ZNF626: variants seen among roughly 807,000 people sequenced by gnomAD.
The protein encoded by ZNF626 is zinc finger protein 626.
Under a neutral mutation model 11.7 loss-of-function variants are expected in ZNF626, and 4 were observed. The ratio of observed to expected loss-of-function variants is 0.34; its 90% confidence interval spans 0.17 to 0.78. ZNF626 has a LOEUF of 0.78. Among genes scored for constraint, ZNF626 ranks in the 30% least tolerant of loss-of-function variants. The probability of loss-of-function intolerance (pLI) is 0.57; values close to 1 mark genes in which losing one functional copy is unlikely to be tolerated. For missense variants in ZNF626, 588 were observed against 587.1 expected (o/e 1.00, Z -0.01); for synonymous variants, 179 against 198.6 (o/e 0.90, Z 0.83).
At chr19:20,630,061 G>C (rs1039484816) in intron 3 of ZNF626, among the ~76,000 whole-genome samples, 1 of 152,176 alleles carries the variant, frequency 6.6e-6, no homozygotes, top group African/African-American at 2.4e-5. Context: ...CTTTGGTTCT[G>C]TTTATATGCT....
chr19:20,627,903 G>T (rs9304971), intron 3 of ZNF626, among the ~76,000 whole-genome samples: 1 of 151,998 alleles, frequency 6.6e-6, no homozygotes, highest in Admixed American at 6.6e-5. Flanking sequence ...AGCATTAGGT[G>T]TATCTCCCAA....
At chr19:20,657,993 G>T (rs779135224) in intron 1 of ZNF626, among the ~76,000 whole-genome samples, 6 of 151,980 alleles carry the variant, frequency 3.9e-5, no homozygotes, top group African/African-American at 1.5e-4. Flanking sequence ...ATACCTGTTC[G>T]GTGGTATGCT....
chr19:20,626,897 C>G (rs1046541590), intron 3 of ZNF626, among the ~76,000 whole-genome samples: 1 of 152,022 alleles, frequency 6.6e-6, no homozygotes, highest in Non-Finnish European at 1.5e-5. Flanking sequence ...CACCTGTAAC[C>G]CCAGCTACTT....
At chr19:20,648,175 C>CAAAAAA (rs34417157) in intron 1 of ZNF626, among the ~76,000 whole-genome samples, 17 of 104,114 alleles carry the variant, frequency 1.6e-4, no homozygotes, top group African/African-American at 5.4e-4. Context: ...GACTCCGTGT[C>CAAAAAA]AAAAAAAAAA....
chr19:20,625,511 C>T lies in ZNF626; in HGVS notation c.366G>A (p.Glu122=). ...QLKKGCISVD[E]CKVHKEGYNE... Reference sequence around the variant, plus strand: ...TATAACCTTCTTTGTGCACCTTACACTCATCCACACTTATACATCCTTTTT... The same window carrying T: ...TATAACCTTCTTTGTGCACCTTACATTCATCCACACTTATACATCCTTTTT... The change falls in exon 4 of 4, where the codon GAG becomes GAA. Residue 122 remains glutamate, a synonymous_variant. Transcript: ENST00000601440. 6.2e-7 allele frequency: 1 copy of T among 1,614,012 alleles called. No individual in the cohort carries two copies. The highest frequency in any genetic ancestry group is 8.5e-7 in the Non-Finnish European group (1 of 1,179,978).
At position 20,623,095 on chromosome 19, in the gene ZNF626, TA is replaced by T. The variant is rs1476247588; in HGVS notation, c.*1194del. 6.6e-6 allele frequency: 1 copy of T among 152,400 alleles called. No individual in the cohort carries two copies. Among genetic ancestry groups the T allele is most frequent in the East Asian group, 1.9e-4 (1 of 5,196 alleles). 9.4% of individuals were successfully genotyped at this position (152,400 alleles called of 1,614,324 possible). On this transcript the variant is annotated 3_prime_UTR_variant, in exon 4 of 4. Coordinates refer to ENST00000601440, the MANE Select transcript of ZNF626 (RefSeq NM_001076675.3). Reference sequence around the variant, plus strand: ...TACTCTTCTTCACTTTAAAGGCTTATATTTTCTGAAAGATTTTTTGACAGTA... The same window carrying T: ...TACTCTTCTTCACTTTAAAGGCTTATTTTTCTGAAAGATTTTTTGACAGTA...
chr19:20,641,135 C>CAA (rs141617081), intron 3 of ZNF626, among the ~76,000 whole-genome samples: 2 of 111,868 alleles, frequency 1.8e-5, no homozygotes, highest in African/African-American at 3.0e-5. Context: ...GACTCCATCT[C>CAA]AAAAAAAAAA....
chr19:20,651,013 C>T (rs992791229), intron 1 of ZNF626, among the ~76,000 whole-genome samples: 8 of 151,662 alleles, frequency 5.3e-5, no homozygotes, highest in Non-Finnish European at 1.0e-4. Flanking sequence ...ATTTTGAAAC[C>T]CCGTCTCTAC....
intron 3 of ZNF626, among the ~76,000 whole-genome samples, chr19:20,633,515 T>C (rs1969932101): frequency 6.6e-6 from 1 of 151,938 alleles, no homozygotes; most frequent in African/African-American, 2.4e-5. Flanking sequence ...CCAGCCTCGC[T>C]GCTGCCTTGC....
chr19:20,624,760 C>A lies in ZNF626; in HGVS notation c.1117G>T (p.Glu373Ter), dbSNP rs1354403504. The change falls in exon 4 of 4, where the codon GAA becomes TAA. Residue 373 changes from glutamate to a stop codon, truncating the protein, a stop_gained. Coordinates refer to ENST00000601440, the MANE Select transcript of ZNF626 (RefSeq NM_001076675.3). LOFTEE classifies it low-confidence loss of function (END_TRUNC). ...GACCGCTTGAAGGCTTTGCCACATT[C>A]TTCACATTTGTAGGGTTTCTCTCCA... The part of the protein sequence containing the change: ...HTGEKPYKCE[E>*]CGKAFKRSSD... 6.2e-7 allele frequency: 1 copy of A among 1,613,128 alleles called. No individual in the cohort carries two copies. The highest frequency in any genetic ancestry group is 8.5e-7 in the Non-Finnish European group (1 of 1,179,924).
chr19:20,645,767 G>C lies in ZNF626; in HGVS notation c.143C>G (p.Ser48Cys). 2 of 1,606,260 alleles carry C rather than the reference G, an allele frequency of 1.2e-6. No individual in the cohort carries two copies. Among genetic ancestry groups the C allele is most frequent in the Admixed American group, 3.5e-5 (2 of 57,474 alleles). ...CAGACAGGTGATCAGGTCTGGCTTAGAAACAGTAATACCTGTTTTATTAAA... is the reference window on the plus strand; with the variant it reads ...CAGACAGGTGATCAGGTCTGGCTTACAAACAGTAATACCTGTTTTATTAAA... The part of the protein sequence containing the change: ...SNLVFLGITV[S>C]KPDLITCLEQ... The change falls in exon 3 of 4, where the codon TCT (serine) becomes TGT (cysteine). Residue 48 changes from serine to cysteine, a missense_variant. Around this residue, in one of 4 missense-constraint regions of ZNF626, gnomAD observed 524 missense variants for 470.1 expected, o/e 1.11. Transcript: ENST00000601440.
intron 1 of ZNF626, among the ~76,000 whole-genome samples, chr19:20,651,408 GTTTTA>G (rs1282282811): frequency 5.9e-5 from 9 of 151,362 alleles, no homozygotes; most frequent in South Asian, 4.2e-4. Context: ...GCTGCTTCAT[GTTTTA>G]TTTTAACGGT....
At position 20,661,556 on chromosome 19, in the gene ZNF626, G is replaced by T; in HGVS notation, c.-110C>A. 7.8e-7 allele frequency: 1 copy of T among 1,280,452 alleles called. No homozygotes were observed. Among genetic ancestry groups the T allele is most frequent in the Non-Finnish European group, 1.1e-6 (1 of 908,412 alleles). 79.3% of individuals were successfully genotyped at this position (1,280,452 alleles called of 1,614,324 possible). A position where few individuals can be genotyped will look rare whatever the true frequency, so the allele number is the denominator to read the frequency against. ...GGAGAAGAACCAGACCTGGAGCTCT[G>T]ACTGCAGCGAGAGACAAAGGCCGCA... On this transcript the variant is annotated 5_prime_UTR_variant, in exon 1 of 4. Transcript: ENST00000601440.
chr19:20,629,268 T>C (rs529427978), intron 3 of ZNF626, among the ~76,000 whole-genome samples: 2 of 115,190 alleles, frequency 1.7e-5, no homozygotes, highest in Admixed American at 8.6e-5. Context: ...GGATGCGGGC[T>C]CTTTTTGGTT....
chr19:20,625,675 T>A, intron 3 of ZNF626, 25 bp from the exon 4 acceptor site: 1 of 1,512,664 alleles, frequency 6.6e-7, no homozygotes, highest in Non-Finnish European at 8.8e-7. Flanking sequence ...AAAAACACAT[T>A]ACTTCAATTG....
At chr19:20,632,462 T>C (rs1272012616) in intron 3 of ZNF626, among the ~76,000 whole-genome samples, 5 of 152,216 alleles carry the variant, frequency 3.3e-5, no homozygotes, top group African/African-American at 1.2e-4. Flanking sequence ...CATAGTCCCA[T>C]ATTTCTTGGA....
rs1341416429 is a variant in ZNF626 at position 20,625,062 on chromosome 19, A to C, written c.815T>G (p.Leu272Arg). The C allele has an allele frequency of 6.2e-7, 1 of 1,613,404 alleles. No homozygotes were observed. The highest frequency in any genetic ancestry group is 8.5e-7 in the Non-Finnish European group (1 of 1,179,880). The change falls in exon 4 of 4, where the codon CTT (leucine) becomes CGT (arginine). Residue 272 changes from leucine to arginine, a missense_variant. Leu to Arg is a moderately radical substitution (Grantham distance 102). Coordinates refer to ENST00000601440, the MANE Select transcript of ZNF626 (RefSeq NM_001076675.3). ...CGKAFMSSST[L>R]SKHEIIHTEK... The stretch of plus-strand genomic sequence containing the variant: ...CGTATGAATTATCTCATGTTTACTA[A>C]GGGTTGAGGATGACATAAAGGCTTT...
chr19:20,650,436 G>A (rs895952553), intron 1 of ZNF626, among the ~76,000 whole-genome samples: 9 of 152,098 alleles, frequency 5.9e-5, no homozygotes, highest in African/African-American at 2.2e-4. Context: ...GCAAACACTG[G>A]TTTTAATATA....
chr19:20,624,215 G>T lies in ZNF626; in HGVS notation c.*75C>A. The T allele has an allele frequency of 6.2e-7, 1 of 1,608,228 alleles. No individual in the cohort carries two copies. Among genetic ancestry groups the T allele is most frequent in the East Asian group, 2.2e-5 (1 of 44,748 alleles). Reference sequence around the variant, plus strand: ...TTTTTTCCAGTATGAATTTTCTTATGTGTAGTAAGGTTAGAGAAATGCTTA... The same window carrying T: ...TTTTTTCCAGTATGAATTTTCTTATTTGTAGTAAGGTTAGAGAAATGCTTA... On this transcript the variant is annotated 3_prime_UTR_variant, in exon 4 of 4. Coordinates refer to ENST00000601440, the MANE Select transcript of ZNF626 (RefSeq NM_001076675.3).
Sources: allele counts gnomAD v4.1 joint callset (sites outside exome capture counted in the v4.1 genomes callset), GRCh38; gene constraint gnomAD v4.1.1; regional missense constraint gnomAD v4.1.1; transcripts MANE v1.5; gene names NCBI Gene and HGNC (gene_info 2026-07-23, HGNC 2026-07-21).